Variants in MMP16 observed in about 807,000 individuals in gnomAD.
The protein encoded by MMP16 is matrix metallopeptidase 16.
Under a neutral mutation model 67.8 loss-of-function variants are expected in MMP16, and 12 were observed. The observed-to-expected ratio is 0.18, with a 90% CI of 0.11 to 0.29. The LOEUF is 0.29. Ranked by LOEUF, MMP16 falls within the 10% of genes least tolerant of loss-of-function variation. The probability of loss-of-function intolerance (pLI) is 1.00; values close to 1 mark genes in which losing one functional copy is unlikely to be tolerated. For missense variants in MMP16, 475 were observed against 765.7 expected, an observed-to-expected ratio of 0.62 and a Z score of 4.48; for synonymous variants, 249 against 255.9, an observed-to-expected ratio of 0.97 and a Z score of 0.26.
At chr8:88,241,541 T>A (rs897915544) in intron 1 of MMP16, among the ~76,000 whole-genome samples, 1 of 152,122 alleles carries the variant, frequency 6.6e-6, no homozygotes, top group Non-Finnish European at 1.5e-5. Context: ...CTTTCTTTTT[T>A]AAAAATTATT....
intron 4 of MMP16, among the ~76,000 whole-genome samples, chr8:88,160,199 C>T (rs1442364723): frequency 6.6e-6 from 1 of 151,870 alleles, no homozygotes; most frequent in Non-Finnish European, 1.5e-5. Context: ...TCAAGTCCCA[C>T]CTGTGAGTGA....
chr8:88,199,805 C>G (rs7001079), intron 1 of MMP16, among the ~76,000 whole-genome samples: 46,730 of 151,632 alleles, frequency 0.31, 8,837 homozygotes, highest in East Asian at 0.54. Context: ...TGAAGTATAT[C>G]CCTGTTTTCA....
intron 7 of MMP16, among the ~76,000 whole-genome samples, chr8:88,057,581 C>G (rs1026047911): frequency 2.0e-5 from 3 of 152,054 alleles, no homozygotes; most frequent in African/African-American, 4.8e-5. Flanking sequence ...AAACCACCCA[C>G]AGATAAGGAC....
intron 1 of MMP16, among the ~76,000 whole-genome samples, chr8:88,261,563 A>G (rs919704710): frequency 4.6e-5 from 7 of 151,872 alleles, no homozygotes; most frequent in African/African-American, 1.7e-4. Flanking sequence ...CCACCCAGTC[A>G]CTCAATTAAA....
At chr8:88,159,846 T>G (rs1422047943) in intron 4 of MMP16, among the ~76,000 whole-genome samples, 1 of 152,158 alleles carries the variant, frequency 6.6e-6, no homozygotes, top group Non-Finnish European at 1.5e-5. Context: ...CATGAAGGGC[T>G]GTTGAATTTT....
At chr8:88,193,795 C>T (rs551528566) in intron 2 of MMP16, among the ~76,000 whole-genome samples, 1 of 151,994 alleles carries the variant, frequency 6.6e-6, no homozygotes, top group South Asian at 2.1e-4. Context: ...TGCCACTGTA[C>T]ACATATAAAA....
rs560901204 is a variant in MMP16, at chr8:88,279,278, T to G, written c.132+47797A>C. Among the ~76,000 whole-genome samples, 852 of 152,212 alleles carry G rather than the reference T, an allele frequency of 5.6e-3. 12 individuals carry two copies. Among genetic ancestry groups the G allele is most frequent in the African/African-American group, 0.019 (779 of 41,546 alleles). On this transcript the variant is annotated intron_variant, in intron 1 of 9. Coordinates refer to ENST00000286614, the MANE Select transcript of MMP16 (RefSeq NM_005941.5). ...ATGTAAACTATCCCATTAATATTTT[T>G]ATTGGTCATATGTTAAAATGATAAT...
At chr8:88,092,466 G>T (rs931756531) in intron 6 of MMP16, among the ~76,000 whole-genome samples, 3 of 151,568 alleles carry the variant, frequency 2.0e-5, no homozygotes, top group African/African-American at 7.3e-5. Flanking sequence ...TTTCACCTTT[G>T]AATTTGTTAA....
In MMP16 at chr8:88,313,007, T is replaced by C. The variant is rs189052920; in HGVS notation, c.132+14068A>G. Among the ~76,000 whole-genome samples, 4 of 152,300 alleles carry C rather than the reference T, an allele frequency of 2.6e-5. No homozygotes were observed. In the East Asian group the frequency reaches 7.7e-4, roughly 29 times the overall value. ...AAAAACAAAAAAAGGTGAGTGTCCA[T>C]TTTTTATAATTTTATTTAAAATAAA... is the stretch of plus-strand genomic sequence containing the variant. On this transcript the variant is annotated intron_variant, in intron 1 of 9. Transcript: ENST00000286614.
chr8:88,180,061 C>T (rs557735749), intron 3 of MMP16, among the ~76,000 whole-genome samples: 1 of 152,122 alleles, frequency 6.6e-6, no homozygotes, highest in African/African-American at 2.4e-5. Context: ...GCAGGCGGAT[C>T]ACCTGAGGTT....
chr8:88,048,076 C>T (rs959261996), intron 8 of MMP16, among the ~76,000 whole-genome samples: 2 of 152,146 alleles, frequency 1.3e-5, no homozygotes, highest in Admixed American at 6.5e-5. Flanking sequence ...TGTTGTCATT[C>T]AGTAAGGTAA....
chr8:88,294,944 C>G (rs982256560), intron 1 of MMP16, among the ~76,000 whole-genome samples: 14 of 152,182 alleles, frequency 9.2e-5, no homozygotes, highest in Admixed American at 6.5e-4. Context: ...CACTCCTGAC[C>G]TTGGGTGATC....
At chr8:88,052,162 A>G (rs1246216405) in intron 8 of MMP16, among the ~76,000 whole-genome samples, 1 of 152,194 alleles carries the variant, frequency 6.6e-6, no homozygotes, top group Non-Finnish European at 1.5e-5. Context: ...AAACTCAATT[A>G]TCCAACCACC....
chr8:88,262,731 G>T (rs965855667), intron 1 of MMP16, among the ~76,000 whole-genome samples: 3 of 151,598 alleles, frequency 2.0e-5, no homozygotes, highest in African/African-American at 7.3e-5. Context: ...GGCTGGGTGC[G>T]GTGGCTCAAG....
In MMP16 at chr8:88,116,719, C is replaced by G. The variant is rs1554578890; in HGVS notation, c.872-1G>C. On this transcript the variant is annotated splice_acceptor_variant, in intron 5 of 9. Transcript: ENST00000286614. LOFTEE classifies it high-confidence loss of function. The stretch of plus-strand genomic sequence containing the variant: ...GGTGGAGGAATCTTGTCAGGTGGAC[C>G]TTTTGAAAATATGAGGACAGTGCTT... 1 of 1,612,788 alleles carries G rather than the reference C, an allele frequency of 6.2e-7. No homozygotes were observed. Among genetic ancestry groups the G allele is most frequent in the Non-Finnish European group, 8.5e-7 (1 of 1,179,386 alleles).
chr8:88,074,343 A>G (rs2118281015), intron 7 of MMP16, among the ~76,000 whole-genome samples: 1 of 152,300 alleles, frequency 6.6e-6, no homozygotes, highest in Non-Finnish European at 1.5e-5. Flanking sequence ...CTATATATCT[A>G]TTAATCTTTT....
At chr8:88,325,391 T>C (rs1184488624) in intron 1 of MMP16, among the ~76,000 whole-genome samples, 1 of 152,126 alleles carries the variant, frequency 6.6e-6, no homozygotes, top group Non-Finnish European at 1.5e-5. Flanking sequence ...AGGCTGTCCT[T>C]CCCTTCCCTT....
At chr8:88,043,055 G>A (rs558581803) in intron 9 of MMP16, among the ~76,000 whole-genome samples, 1 of 152,204 alleles carries the variant, frequency 6.6e-6, no homozygotes, top group South Asian at 2.1e-4. Context: ...TTTTATTGAG[G>A]ACTTATTATG....
intron 6 of MMP16, among the ~76,000 whole-genome samples, chr8:88,108,323 C>G (rs1283731711): frequency 6.6e-6 from 1 of 151,154 alleles, no homozygotes; most frequent in South Asian, 2.1e-4. Flanking sequence ...AATATCTACT[C>G]CCTCTTTTTT....
Sources: gnomAD v4.1 joint callset for allele counts (sites outside exome capture counted in the v4.1 genomes callset) on GRCh38, gnomAD v4.1.1 for gene constraint, MANE v1.5 for transcripts, NCBI Gene and HGNC (gene_info 2026-07-23, HGNC 2026-07-21) for gene names.